Variants in GREB1L observed in about 807,000 individuals in gnomAD.
GREB1L encodes GREB1 like retinoic acid receptor coactivator.
GREB1L carries 17 observed loss-of-function variants against 200.8 expected under a neutral mutation model. That is an observed-to-expected ratio of 0.08 (90% CI 0.06 to 0.13). GREB1L has a LOEUF of 0.13. GREB1L is among the 10% of genes least tolerant of loss of function. GREB1L has a pLI of 1.00. For synonymous variants in GREB1L, 789 were observed against 893.0 expected (o/e 0.88, Z 2.08); for missense variants, 1,657 against 2,367.7 (o/e 0.70, Z 6.23).
At chr18:21,355,908 T>G (rs184248252) in intron 1 of GREB1L, among the ~76,000 whole-genome samples, 10 of 152,230 alleles carry the variant, frequency 6.6e-5, no homozygotes, top group South Asian at 4.1e-4. Context: ...ATGAAAATTC[T>G]ACTGAGATTT....
At chr18:21,440,163 A>C in intron 8 of GREB1L, 106 bp from the exon 9 acceptor site, 1 of 1,187,356 alleles carries the variant, frequency 8.4e-7, no homozygotes, top group South Asian at 1.6e-5. Context: ...GAGTATAATC[A>C]AATTAAAGGT....
chr18:21,421,398 A>G (rs2032135256), intron 7 of GREB1L, among the ~76,000 whole-genome samples: 1 of 152,260 alleles, frequency 6.6e-6, no homozygotes, highest in South Asian at 2.1e-4. Flanking sequence ...CAACTGAATC[A>G]AAAATAAAAC....
chr18:21,462,686 G>A (rs1295211257), intron 15 of GREB1L, among the ~76,000 whole-genome samples: 1 of 152,188 alleles, frequency 6.6e-6, no homozygotes, highest in Non-Finnish European at 1.5e-5. Context: ...CTGACCTTAG[G>A]TGATCCACCC....
At chr18:21,458,582 G>A (rs1234968134) in intron 15 of GREB1L, among the ~76,000 whole-genome samples, 2 of 152,200 alleles carry the variant, frequency 1.3e-5, no homozygotes, top group Admixed American at 1.3e-4. Context: ...AAACCATCAC[G>A]TTGTTGCAGA....
At chr18:21,338,697 CT>C (rs1040135101) in intron 1 of GREB1L, among the ~76,000 whole-genome samples, 11 of 152,240 alleles carry the variant, frequency 7.2e-5, no homozygotes, top group Non-Finnish European at 1.6e-4. Context: ...TGTTTCTTCA[CT>C]TTTTACCCCA....
At chr18:21,433,156 C>A (rs1033163210) in intron 7 of GREB1L, among the ~76,000 whole-genome samples, 6 of 152,120 alleles carry the variant, frequency 3.9e-5, no homozygotes, top group African/African-American at 1.4e-4. Flanking sequence ...GATACTATGT[C>A]CAGAAATATT....
At chr18:21,504,994 C>T (rs190120161) in intron 23 of GREB1L, among the ~76,000 whole-genome samples, 3 of 152,254 alleles carry the variant, frequency 2.0e-5, no homozygotes, top group African/African-American at 7.2e-5. Flanking sequence ...GGAATTTTTA[C>T]CAGCTCCCAG....
intron 15 of GREB1L, among the ~76,000 whole-genome samples, chr18:21,466,818 G>A (rs1296754852): frequency 2.0e-5 from 3 of 152,200 alleles, no homozygotes; most frequent in Admixed American, 6.5e-5. Context: ...AAAGAATAAC[G>A]TTGGAAGACT....
chr18:21,435,884 G>A (rs2033504424), intron 7 of GREB1L, among the ~76,000 whole-genome samples: 1 of 152,116 alleles, frequency 6.6e-6, no homozygotes, highest in Admixed American at 6.6e-5. Context: ...AGAAGAAGAC[G>A]AGATAGGAAA....
At chr18:21,301,520 T>C (rs2038617143) in intron 1 of GREB1L, among the ~76,000 whole-genome samples, 1 of 152,254 alleles carries the variant, frequency 6.6e-6, no homozygotes, top group African/African-American at 2.4e-5. Context: ...TTGAGATATC[T>C]GGACTCTTTT....
At chr18:21,491,584 G>GTGCC (rs1322621757) in intron 19 of GREB1L, among the ~76,000 whole-genome samples, 2 of 151,926 alleles carry the variant, frequency 1.3e-5, no homozygotes, top group Non-Finnish European at 2.9e-5. Context: ...GTGGTGGCGG[G>GTGCC]TGCCTGTATT....
At chr18:21,253,373 C>T (rs1238469147) in intron 1 of GREB1L, among the ~76,000 whole-genome samples, 1 of 151,290 alleles carries the variant, frequency 6.6e-6, no homozygotes, top group Non-Finnish European at 1.5e-5. Context: ...ATCCCAGCCT[C>T]CTTAGTAGCT....
chr18:21,311,651 C>T (rs2038792390), intron 1 of GREB1L, among the ~76,000 whole-genome samples: 1 of 152,134 alleles, frequency 6.6e-6, no homozygotes, highest in South Asian at 2.1e-4. Flanking sequence ...AGGATACCAC[C>T]TAATTTCCAG....
chr18:21,454,500 A>G lies in GREB1L; in HGVS notation c.2119A>G (p.Ile707Val), dbSNP rs1248064253. 2 of 1,551,562 alleles carry G rather than the reference A, an allele frequency of 1.3e-6. No homozygotes were observed. Among genetic ancestry groups the G allele is most frequent in the Non-Finnish European group, 1.7e-6 (2 of 1,146,970 alleles). ...DLGHFSKVDF[I>V]IIVPRSEVLV... Reference sequence around the variant, plus strand: ...CGGTCACTTCAGCAAAGTAGACTTCATCATCATTGTTCCCAGATCGGAGGT... The same window carrying G: ...CGGTCACTTCAGCAAAGTAGACTTCGTCATCATTGTTCCCAGATCGGAGGT... The change falls in exon 15 of 33, where the codon ATC (isoleucine) becomes GTC (valine). Residue 707 changes from isoleucine (I) to valine (V), a missense_variant. By Grantham distance (29) the Ile-to-Val change is conservative. Coordinates refer to ENST00000424526, the MANE Select transcript of GREB1L (RefSeq NM_001142966.3).
intron 11 of GREB1L, among the ~76,000 whole-genome samples, chr18:21,446,628 A>G (rs2034238323): frequency 6.6e-6 from 1 of 152,050 alleles, no homozygotes; most frequent in Non-Finnish European, 1.5e-5. Context: ...TCCCTCAACA[A>G]CTGTTCTGGA....
chr18:21,353,526 T>C (rs1167159377), intron 1 of GREB1L, among the ~76,000 whole-genome samples: 3 of 152,182 alleles, frequency 2.0e-5, no homozygotes, highest in African/African-American at 4.8e-5. Flanking sequence ...TTATTTGTTT[T>C]AGGTGTGTAA....
intron 7 of GREB1L, among the ~76,000 whole-genome samples, chr18:21,425,764 T>A (rs530341080): frequency 1.3e-5 from 2 of 152,314 alleles, no homozygotes; most frequent in African/African-American, 4.8e-5. Context: ...CAAGAGTTTT[T>A]AAAATATATT....
At position 21,449,659 on chromosome 18, in the gene GREB1L, G is replaced by A; in HGVS notation, c.1543G>A (p.Ala515Thr). The A allele has an allele frequency of 6.4e-7, 1 of 1,551,668 alleles. No homozygotes were observed. The highest frequency in any genetic ancestry group is 8.7e-7 in the Non-Finnish European group (1 of 1,146,996). Residue 515 changes from alanine (A) to threonine (T), a missense_variant, in exon 12 of 33, where the codon GCC (alanine) becomes ACC (threonine). Coordinates refer to ENST00000424526, the MANE Select transcript of GREB1L (RefSeq NM_001142966.3). ...ACTCCCCTGGCTTGCTAGATTAATT[G>A]CCAGCGTATCTCAAGACTTGGTTCA... ...GQLPWLARLI[A>T]SVSQDLVHVV...
At chr18:21,280,810 GA>G (rs1481986817) in intron 1 of GREB1L, among the ~76,000 whole-genome samples, 1 of 152,160 alleles carries the variant, frequency 6.6e-6, no homozygotes, top group Non-Finnish European at 1.5e-5. Flanking sequence ...AAGCTGATAA[GA>G]AGCTGTAATC....
Sources: gnomAD v4.1 joint callset for allele counts (sites outside exome capture counted in the v4.1 genomes callset) on GRCh38, gnomAD v4.1.1 for gene constraint, MANE v1.5 for transcripts, NCBI Gene and HGNC (gene_info 2026-07-23, HGNC 2026-07-21) for gene names.